Variants in CHD6 observed in about 807,000 individuals in gnomAD.
CHD6 encodes chromodomain helicase DNA binding protein 6, also known as ATP-dependent chromatin remodeler CHD6.
A neutral mutation model predicts 276.9 loss-of-function variants in CHD6; 50 were observed. The observed-to-expected ratio is 0.18, with a 90% CI of 0.14 to 0.23. The LOEUF (loss-of-function observed/expected upper bound fraction) is 0.23, where lower values mean the gene tolerates loss of function less well. Among genes scored for constraint, CHD6 ranks in the 10% least tolerant of loss-of-function variants. CHD6 has a pLI of 1.00. For missense variants in CHD6, 2,564 were observed against 3,365.8 expected, an observed-to-expected ratio of 0.76 and a Z score of 5.89; for synonymous variants, 1,173 against 1,229.3, an observed-to-expected ratio of 0.95 and a Z score of 0.96.
chr20:41,499,235 T>C, intron 6 of CHD6, 60 bp downstream of exon 6: 1 of 1,346,902 alleles, frequency 7.4e-7, no homozygotes, highest in Non-Finnish European at 1.0e-6. Flanking sequence ...GCCAAAAATC[T>C]CTTCACAGAA....
chr20:41,571,222 T>C (rs1442395875), intron 1 of CHD6, among the ~76,000 whole-genome samples: 2 of 152,082 alleles, frequency 1.3e-5, no homozygotes, highest in Non-Finnish European at 2.9e-5. Flanking sequence ...TGATATTTTA[T>C]TTAGACCAAG....
chr20:41,425,339 T>C lies in CHD6; in HGVS notation c.4185A>G (p.Thr1395=), dbSNP rs769150155. The C allele has an allele frequency of 1.2e-6, 2 of 1,614,222 alleles. No homozygotes were observed. The highest frequency in any genetic ancestry group is 2.2e-5 in the East Asian group (1 of 44,888). ...CAGTGACCAGACGTCTGAGACGAGC[T>C]GTGAGGGCGGAGGAAACTGGCCAGG... is the stretch of plus-strand genomic sequence containing the variant. ...KSPWPVSSAL[T]ARLRRLVTVY... Residue 1395 remains threonine, a synonymous_variant, in exon 29 of 37, where the codon ACA becomes ACG. Coordinates refer to ENST00000373233, the MANE Select transcript of CHD6 (RefSeq NM_032221.5).
chr20:41,429,883 G>A (rs1006512627), intron 27 of CHD6, among the ~76,000 whole-genome samples: 1 of 152,206 alleles, frequency 6.6e-6, no homozygotes, highest in Non-Finnish European at 1.5e-5. Context: ...TTGTGCCAGG[G>A]CTCCTTGCAA....
At chr20:41,468,897 C>T (rs771204702) in intron 17 of CHD6, among the ~76,000 whole-genome samples, 17 of 152,002 alleles carry the variant, frequency 1.1e-4, no homozygotes, top group Non-Finnish European at 2.1e-4. Flanking sequence ...GACTATAACT[C>T]CAGCTATTCA....
chr20:41,486,553 C>T (rs1002806387), intron 14 of CHD6, among the ~76,000 whole-genome samples: 2 of 152,254 alleles, frequency 1.3e-5, no homozygotes, highest in East Asian at 1.9e-4. Context: ...CCAGGGTGTA[C>T]GCTTGACATG....
chr20:41,413,780 G>A (rs757609369), intron 34 of CHD6: 7 of 286,154 alleles, frequency 2.4e-5, no homozygotes, highest in Non-Finnish European at 4.5e-5. Flanking sequence ...CCTGACTGCC[G>A]GATTCAGTTT....
intron 16 of CHD6, among the ~76,000 whole-genome samples, chr20:41,477,291 T>C (rs1012741372): frequency 6.6e-6 from 1 of 152,002 alleles, no homozygotes; most frequent in Admixed American, 6.6e-5. Flanking sequence ...ATCTGGAATA[T>C]TAAATATGCA....
At chr20:41,598,909 G>A (rs1055631185) in intron 1 of CHD6, among the ~76,000 whole-genome samples, 4 of 152,202 alleles carry the variant, frequency 2.6e-5, no homozygotes, top group South Asian at 4.2e-4. Flanking sequence ...CTGGCATTTC[G>A]TCGACTAAGC....
intron 16 of CHD6, among the ~76,000 whole-genome samples, chr20:41,475,025 G>A (rs1477414996): frequency 6.6e-6 from 1 of 152,150 alleles, no homozygotes; most frequent in Admixed American, 6.5e-5. Flanking sequence ...GTGGTGATAG[G>A]ATTGTCATGA....
chr20:41,463,863 G>A (rs951613786), intron 17 of CHD6, among the ~76,000 whole-genome samples: 12 of 152,206 alleles, frequency 7.9e-5, no homozygotes, highest in African/African-American at 2.7e-4. Context: ...GAACTGAACT[G>A]TGAATATACA....
chr20:41,493,742 C>T (rs1178777778), intron 9 of CHD6, 70 bp from the exon 10 acceptor site: 1 of 1,583,372 alleles, frequency 6.3e-7, no homozygotes, highest in Admixed American at 1.7e-5. Context: ...CTGCCAACCT[C>T]TGAAAAACCA....
intron 17 of CHD6, among the ~76,000 whole-genome samples, chr20:41,463,926 A>AG (rs2042858837): frequency 6.6e-6 from 1 of 152,214 alleles, no homozygotes; most frequent in Non-Finnish European, 1.5e-5. Flanking sequence ...TTAGGGGACA[A>AG]GGGGGTACAA....
intron 31 of CHD6, among the ~76,000 whole-genome samples, chr20:41,417,591 A>T (rs575551843): frequency 6.6e-6 from 1 of 152,210 alleles, no homozygotes; most frequent in East Asian, 1.9e-4. Context: ...TTGCATCCAT[A>T]TCCCAACACA....
At chr20:41,470,822 C>A (rs1334967624) in intron 17 of CHD6, among the ~76,000 whole-genome samples, 1 of 152,262 alleles carries the variant, frequency 6.6e-6, no homozygotes, top group Non-Finnish European at 1.5e-5. Flanking sequence ...GTGTAGACTT[C>A]ACCTAGGTGA....
chr20:41,484,167 A>G (rs1384797123), intron 15 of CHD6, among the ~76,000 whole-genome samples, 185 bp downstream of exon 15: 1 of 152,232 alleles, frequency 6.6e-6, no homozygotes, highest in East Asian at 1.9e-4. Context: ...CTTGGTCCTT[A>G]GTAGCTATAC....
chr20:41,533,673 T>A, intron 2 of CHD6, 103 bp from the exon 3 acceptor site: 1 of 1,059,702 alleles, frequency 9.4e-7, no homozygotes, highest in Non-Finnish European at 1.3e-6. Context: ...AAATATTTAC[T>A]GAGTTCCCAC....
chr20:41,466,213 AACAAAAAC>A (rs1421600844), intron 17 of CHD6, among the ~76,000 whole-genome samples: 1 of 152,152 alleles, frequency 6.6e-6, no homozygotes, highest in Non-Finnish European at 1.5e-5. Context: ...AAAAAACAAA[AACAAAAAC>A]ACACACAGTT....
At position 41,404,413 on chromosome 20, in the gene CHD6, A is replaced by G; in HGVS notation, c.*180T>C. 1.5e-6 allele frequency: 2 copies of G among 1,297,544 alleles called. No individual in the cohort carries two copies. Among genetic ancestry groups the G allele is most frequent in the Non-Finnish European group, 2.0e-6 (2 of 1,024,784 alleles). 80.4% of individuals were successfully genotyped at this position (1,297,544 alleles called of 1,614,324 possible). ...AGACTAGGTAGACAACACTTATCTA[A>G]TGAAGTGGTGAGACCCTGCAACTAT... On this transcript the variant is annotated 3_prime_UTR_variant, in exon 37 of 37. Coordinates refer to ENST00000373233, the MANE Select transcript of CHD6 (RefSeq NM_032221.5).
At chr20:41,591,124 T>C (rs73613222) in intron 1 of CHD6, among the ~76,000 whole-genome samples, 57,413 of 148,094 alleles carry the variant, frequency 0.39, 13,700 homozygotes, top group African/African-American at 0.66. Flanking sequence ...AAAAACCAAA[T>C]GCTGCATGTT....
Sources: gnomAD v4.1 joint callset for allele counts (sites outside exome capture counted in the v4.1 genomes callset) on GRCh38, gnomAD v4.1.1 for gene constraint, MANE v1.5 for transcripts, NCBI Gene and HGNC (gene_info 2026-07-23, HGNC 2026-07-21) for gene names.